NUDT5: variants seen among roughly 807,000 people sequenced by gnomAD.
NUDT5 encodes the protein ADP-sugar pyrophosphatase.
NUDT5 carries 21 observed loss-of-function variants against 34.1 expected under a neutral mutation model. The ratio of observed to expected loss-of-function variants is 0.62; its 90% confidence interval spans 0.44 to 0.89. The LOEUF is 0.89. Among genes scored for constraint, NUDT5 ranks in the 40% least tolerant of loss-of-function variants. NUDT5 has a pLI of 0.00. For missense variants in NUDT5, 249 were observed against 274.8 expected (o/e 0.91, Z 0.66); for synonymous variants, 85 against 97.6 (o/e 0.87, Z 0.76).
chr10:12,172,449 G>A (rs896424077), intron 7 of NUDT5: 29 of 344,094 alleles, frequency 8.4e-5, no homozygotes, highest in South Asian at 6.3e-5. Flanking sequence ...CAGAAACCAG[G>A]GTGATTTAAG....
intron 7 of NUDT5, chr10:12,172,560 AAG>A: frequency 3.4e-6 from 2 of 587,708 alleles, no homozygotes; most frequent in Non-Finnish European, 3.1e-6. Context: ...TTTTTTTACA[AAG>A]AAAGCGTAAA....
In NUDT5 at chr10:12,168,326, G is replaced by A. The variant is rs1218943254; in HGVS notation, c.551-515C>T. Among the ~76,000 whole-genome samples, 1 of 152,004 alleles carries A rather than the reference G, an allele frequency of 6.6e-6. No individual in the cohort carries two copies. Among genetic ancestry groups the A allele is most frequent in the Non-Finnish European group, 1.5e-5 (1 of 67,976 alleles). On this transcript the variant is annotated intron_variant, in intron 9 of 9. Transcript: ENST00000491614. This position sits in a 1 kb window ranked among gnomAD's most constrained non-coding sequence, Gnocchi z 4.8. ...GGCGTGAGCTACCGCACCCAGCCAGGGATGATTTTATGTGTGAAAACAGCA... is the reference window on the plus strand; with the variant it reads ...GGCGTGAGCTACCGCACCCAGCCAGAGATGATTTTATGTGTGAAAACAGCA...
At position 12,171,675 on chromosome 10, in the gene NUDT5, A is replaced by T. The variant is rs1315946960; in HGVS notation, c.488-767T>A. 6.6e-6 allele frequency among the ~76,000 whole-genome samples: 1 copy of T among 150,886 alleles called. No individual in the cohort carries two copies. The highest frequency in any genetic ancestry group is 1.9e-4 in the East Asian group (1 of 5,180). Reference sequence around the variant, plus strand: ...CTCATATGTATATGTGCAGTTCAAAAATTAAGATTTATTTTATTTATTTAT... The same window carrying T: ...CTCATATGTATATGTGCAGTTCAAATATTAAGATTTATTTTATTTATTTAT... On this transcript the variant is annotated intron_variant, in intron 7 of 9. Transcript: ENST00000491614. The surrounding 1 kb of genome is among the most constrained non-coding windows in gnomAD (Gnocchi z 4.2).
chr10:12,167,964 A>G, intron 9 of NUDT5, 153 bp from the exon 10 acceptor site: 2 of 1,365,370 alleles, frequency 1.5e-6, no homozygotes, highest in South Asian at 3.1e-5. Flanking sequence ...AGGATCTTAA[A>G]GAATAAAGAC....
Position 12,169,558 on chromosome 10 carries a change from C to A in NUDT5, c.550+1159G>T. ...ATTGTCATGCCTTTCTCCAAATACG[C>A]ACCAGATAAACTATTGTATCTATTC... On this transcript the variant is annotated intron_variant, in intron 9 of 9. Transcript: ENST00000491614. The surrounding 1 kb of genome is among the most constrained non-coding windows in gnomAD (Gnocchi z 4.8). The A allele has an allele frequency of 4.5e-6, 2 of 446,798 alleles. No homozygotes were observed. The highest frequency in any genetic ancestry group is 8.0e-6 in the Non-Finnish European group (2 of 251,254). 27.7% of individuals were successfully genotyped at this position (446,798 alleles called of 1,614,324 possible).
intron 6 of NUDT5, 96 bp from the exon 7 acceptor site, chr10:12,172,962 C>T (rs1346282373): frequency 3.1e-5 from 27 of 872,938 alleles, no homozygotes; most frequent in South Asian, 1.5e-4. Flanking sequence ...TCAGCATTGA[C>T]GTGGAGGTGA....
chr10:12,179,283 T>A, intron 3 of NUDT5, 151 bp from the exon 4 acceptor site: 1 of 613,650 alleles, frequency 1.6e-6, no homozygotes, highest in Non-Finnish European at 2.8e-6. Context: ...ACGTCTGCAT[T>A]AAAGAAGCTA....
intron 9 of NUDT5, 166 bp from the exon 10 acceptor site, chr10:12,167,977 T>C: frequency 7.8e-7 from 1 of 1,282,096 alleles, no homozygotes; most frequent in Non-Finnish European, 1.0e-6. Flanking sequence ...ATAAAGACTA[T>C]AAAGGCAAGA....
chr10:12,183,180 A>G (rs886169267), intron 3 of NUDT5, among the ~76,000 whole-genome samples: 1 of 152,242 alleles, frequency 6.6e-6, no homozygotes, highest in African/African-American at 2.4e-5. Context: ...ATACATTTGA[A>G]CATATGGTGC....
In NUDT5 at chr10:12,166,865, T is replaced by C; in HGVS notation, c.*837A>G. On this transcript the variant is annotated 3_prime_UTR_variant, in exon 10 of 10. Coordinates refer to ENST00000491614, the MANE Select transcript of NUDT5 (RefSeq NM_014142.4). ...TGGGAACCAGATCAATCTGTACTTC[T>C]TGCTGTGAACTACTCTGTATTGGGT... The C allele has an allele frequency of 2.4e-6, 1 of 414,732 alleles. No homozygotes were observed. The highest frequency in any genetic ancestry group is 1.8e-5 in the South Asian group (1 of 54,760). 25.7% of individuals were successfully genotyped at this position (414,732 alleles called of 1,614,324 possible). A position where few individuals can be genotyped will look rare whatever the true frequency, so the allele number is the denominator to read the frequency against.
rs1834897948 is a variant in NUDT5, at chr10:12,173,651, C to T, written c.385+67G>A. On this transcript the variant is annotated intron_variant, in intron 6 of 9. Transcript: ENST00000491614. The surrounding 1 kb of genome is among the most constrained non-coding windows in gnomAD (Gnocchi z 4.7). ...CAGTGAATTCTGAGCGTAAAGAACA[C>T]CCAAATAATCAATCCCTTCCCAGAC... 1 of 1,195,656 alleles carries T rather than the reference C, an allele frequency of 8.4e-7. No individual in the cohort carries two copies. The highest frequency in any genetic ancestry group is 1.3e-6 in the Non-Finnish European group (1 of 799,034). 74.1% of individuals were successfully genotyped at this position (1,195,656 alleles called of 1,614,324 possible).
chr10:12,190,891 G>A (rs1266586478), intron 1 of NUDT5, among the ~76,000 whole-genome samples: 1 of 152,026 alleles, frequency 6.6e-6, no homozygotes, highest in Non-Finnish European at 1.5e-5. Flanking sequence ...TTACAGGGGT[G>A]AGCCATCACA....
In NUDT5 at chr10:12,173,517, T is replaced by C. The variant is rs1834896017; in HGVS notation, c.385+201A>G. The stretch of plus-strand genomic sequence containing the variant: ...CACATCCAGCCAAAAGGCAATTTAA[T>C]TTCATTAATTCTCCCCCAACTTCAG... On this transcript the variant is annotated intron_variant, in intron 6 of 9. Transcript: ENST00000491614. This position sits in a 1 kb window ranked among gnomAD's most constrained non-coding sequence, Gnocchi z 4.7. Among the ~76,000 whole-genome samples the C allele has an allele frequency of 6.6e-6, 1 of 152,168 alleles. No homozygotes were observed. Among genetic ancestry groups the C allele is most frequent in the East Asian group, 1.9e-4 (1 of 5,196 alleles).
chr10:12,170,020 TTGAAG>T lies in NUDT5; in HGVS notation c.550+692_550+696del. 3 of 1,266,730 alleles carry T rather than the reference TTGAAG, an allele frequency of 2.4e-6. No individual in the cohort carries two copies. The highest frequency in any genetic ancestry group is 4.6e-5 in the East Asian group (2 of 43,126). The allele number at this position is 1,266,730 out of a possible 1,614,324, so 78.5% of individuals were successfully genotyped here. A position where few individuals can be genotyped will look rare whatever the true frequency, so the allele number is the denominator to read the frequency against. On this transcript the variant is annotated intron_variant, in intron 9 of 9. Coordinates refer to ENST00000491614, the MANE Select transcript of NUDT5 (RefSeq NM_014142.4). This position sits in a 1 kb window ranked among gnomAD's most constrained non-coding sequence, Gnocchi z 4.9. ...TTGCCAGCCCATACAGAGGTGCTCC[TTGAAG>T]GGCCCATGGTATGTCTCCATACAGT...
intron 3 of NUDT5, 66 bp from the exon 4 acceptor site, chr10:12,179,198 T>C: frequency 2.9e-6 from 4 of 1,362,052 alleles, no homozygotes; most frequent in Non-Finnish European, 4.2e-6. Flanking sequence ...AGGTTTTCTC[T>C]GTACAACCAG....
intron 3 of NUDT5, 103 bp from the exon 4 acceptor site, chr10:12,179,235 T>C: frequency 3.6e-6 from 3 of 843,284 alleles, no homozygotes; most frequent in Middle Eastern, 2.3e-4. Context: ...TGCATGCAAA[T>C]GTACTCATGA....
At chr10:12,184,777 T>G in intron 3 of NUDT5, 112 bp downstream of exon 3, 1 of 701,980 alleles carries the variant, frequency 1.4e-6, no homozygotes, top group South Asian at 1.9e-5. Flanking sequence ...TAAATCAGAT[T>G]ATTTAAAACA....
Position 12,193,819 on chromosome 10 carries a change from A to G in NUDT5, c.-42+1951T>C, listed in dbSNP as rs1330980115. Among the ~76,000 whole-genome samples, 3 of 152,014 alleles carry G rather than the reference A, an allele frequency of 2.0e-5. No homozygotes were observed. In the East Asian group the frequency reaches 5.8e-4, roughly 29 times the overall value. The stretch of plus-strand genomic sequence containing the variant: ...TACAAACTTAGCTGCTTTTCTACAC[A>G]CAACTGCAATTCTATATTAAAGCTT... On this transcript the variant is annotated intron_variant, in intron 1 of 9. Transcript: ENST00000491614.
chr10:12,179,722 A>C (rs1835015179), intron 3 of NUDT5, among the ~76,000 whole-genome samples: 1 of 152,252 alleles, frequency 6.6e-6, no homozygotes, highest in African/African-American at 2.4e-5. Flanking sequence ...GTAACAGCAC[A>C]GTCCTGCTCT....
Sources: gnomAD v4.1 joint callset for allele counts (sites outside exome capture counted in the v4.1 genomes callset) on GRCh38, gnomAD v4.1.1 for gene constraint, Gnocchi (gnomAD v3.1) non-coding constraint, MANE v1.5 for transcripts, NCBI Gene and HGNC (gene_info 2026-07-23, HGNC 2026-07-21) for gene names.